CNTN4: variants seen among roughly 807,000 people sequenced by gnomAD.
The protein encoded by CNTN4 is contactin 4, also known as contactin-4.
A neutral mutation model predicts 122.5 loss-of-function variants in CNTN4; 77 were observed. That is an observed-to-expected ratio of 0.63 (90% CI 0.52 to 0.76). The LOEUF is 0.76. Ranked by LOEUF, CNTN4 falls within the 30% of genes least tolerant of loss-of-function variation. The pLI is 0.00. For missense variants in CNTN4, 1,256 were observed against 1,259.1 expected, an observed-to-expected ratio of 1.00 and a Z score of 0.04; for synonymous variants, 512 against 447.0, an observed-to-expected ratio of 1.15 and a Z score of -1.83.
chr3:2,798,312 T>C lies in CNTN4; in HGVS notation c.359-21174T>C, dbSNP rs541810177. ...GTGTGTGTATATATATATATGTTTA[T>C]ATATTTATGTTTATATAGTCTGTAT... is the stretch of plus-strand genomic sequence containing the variant. On this transcript the variant is annotated intron_variant, in intron 6 of 24. Coordinates refer to ENST00000418658, the MANE Select transcript of CNTN4 (RefSeq NM_175607.3). 5.6e-3 allele frequency among the ~76,000 whole-genome samples: 777 copies of C among 138,014 alleles called. 11 individuals carry two copies. Among genetic ancestry groups the C allele is most frequent in the African/African-American group, 0.019 (741 of 38,664 alleles). The allele number at this position is 138,014 out of a possible 152,430, so 90.5% of individuals were successfully genotyped here.
At chr3:2,336,362 G>A (rs2043955197) in intron 2 of CNTN4, among the ~76,000 whole-genome samples, 1 of 151,940 alleles carries the variant, frequency 6.6e-6, no homozygotes, top group Non-Finnish European at 1.5e-5. Flanking sequence ...AAAAGCTATT[G>A]GTCTATGATA....
chr3:2,301,365 A>C (rs895787859), intron 2 of CNTN4, among the ~76,000 whole-genome samples: 1 of 152,194 alleles, frequency 6.6e-6, no homozygotes, highest in Non-Finnish European at 1.5e-5. Context: ...TCTGGTTGAC[A>C]TTTAGGTATT....
At chr3:2,563,716 C>T (rs1049500378) in intron 3 of CNTN4, among the ~76,000 whole-genome samples, 47 of 152,090 alleles carry the variant, frequency 3.1e-4, no homozygotes, top group African/African-American at 1.1e-3. Context: ...CCATTCATGT[C>T]TGTTTTTCAA....
At chr3:2,435,050 G>C (rs1382234068) in intron 3 of CNTN4, among the ~76,000 whole-genome samples, 1 of 152,136 alleles carries the variant, frequency 6.6e-6, no homozygotes, top group Non-Finnish European at 1.5e-5. Context: ...AATATGTGAA[G>C]CAGAGAGTTG....
At chr3:2,485,583 G>C (rs2076133084) in intron 3 of CNTN4, among the ~76,000 whole-genome samples, 1 of 152,136 alleles carries the variant, frequency 6.6e-6, no homozygotes, top group Admixed American at 6.5e-5. Flanking sequence ...TTCAAGGTTT[G>C]TAAATGCACC....
chr3:2,334,188 C>A (rs776531424), intron 2 of CNTN4, among the ~76,000 whole-genome samples: 1 of 152,160 alleles, frequency 6.6e-6, no homozygotes, highest in Non-Finnish European at 1.5e-5. Flanking sequence ...GATGGAGTCT[C>A]GCTCTGTCAC....
chr3:2,745,792 A>ATTT lies in CNTN4; in HGVS notation c.358+97_358+99dup, dbSNP rs537313707. ...ATAGCAGTTTCATTTTAGAGACTAG[A>ATTT]TTTTAATTGGTTACATGATCATCTT... On this transcript the variant is annotated intron_variant, in intron 6 of 24. Coordinates refer to ENST00000418658, the MANE Select transcript of CNTN4 (RefSeq NM_175607.3). 9.5e-4 allele frequency: 1,036 copies of ATTT among 1,091,260 alleles called. 6 individuals are homozygous for ATTT. The African/African-American group carries it at 0.014, about 15-fold the overall frequency. The allele number at this position is 1,091,260 out of a possible 1,614,324, so 67.6% of individuals were successfully genotyped here.
At chr3:2,149,623 T>C (rs2035406113) in intron 2 of CNTN4, among the ~76,000 whole-genome samples, 1 of 152,230 alleles carries the variant, frequency 6.6e-6, no homozygotes, top group Non-Finnish European at 1.5e-5. Context: ...GATACTACTC[T>C]AGGTCATGTC....
In CNTN4 at chr3:2,698,589, T is replaced by C. The variant is rs183729848; in HGVS notation, c.56-37626T>C. Among the ~76,000 whole-genome samples, 39 of 152,348 alleles carry C rather than the reference T, an allele frequency of 2.6e-4. No homozygotes were observed. In the East Asian group the frequency reaches 7.5e-3, roughly 29 times the overall value. ...GTTCTTTGCCAGTCAGATGTCTACA[T>C]ATGTTTCTAAGTCCGTACAGCTAGA... On this transcript the variant is annotated intron_variant, in intron 4 of 24. Transcript: ENST00000418658.
intron 2 of CNTN4, among the ~76,000 whole-genome samples, chr3:2,294,411 A>T (rs1479336807): frequency 6.6e-6 from 1 of 151,634 alleles, no homozygotes; most frequent in East Asian, 2.0e-4. Flanking sequence ...CTGGTGGATC[A>T]CTCGAGCTGT....
intron 14 of CNTN4, among the ~76,000 whole-genome samples, chr3:3,015,624 G>T (rs1476558611): frequency 2.0e-5 from 3 of 152,174 alleles, no homozygotes; most frequent in Non-Finnish European, 4.4e-5. Flanking sequence ...GCTGACAGGA[G>T]CAGGTTAAAC....
At position 2,520,259 on chromosome 3, in the gene CNTN4, C is replaced by CTTTTTTTTTTTTTTTTTTTTTTTTTTTT. The variant is rs397988483; in HGVS notation, c.-88-51153_-88-51126dup. On this transcript the variant is annotated intron_variant, in intron 3 of 24. Coordinates refer to ENST00000418658, the MANE Select transcript of CNTN4 (RefSeq NM_175607.3). ...AAAAAGATAGGTTGGTGATTGCTTC[C>CTTTTTTTTTTTTTTTTTTTTTTTTTTTT]TTTTTTTTTTTTTTTTTTTTTTTTT... Among the ~76,000 whole-genome samples the CTTTTTTTTTTTTTTTTTTTTTTTTTTTT allele has an allele frequency of 6.7e-5, 5 of 74,470 alleles. 1 individual carries two copies. The highest frequency in any genetic ancestry group is 2.9e-4 in the African/African-American group (4 of 13,846). The allele number at this position is 74,470 out of a possible 152,430, so 48.9% of individuals were successfully genotyped here. A position where few individuals can be genotyped will look rare whatever the true frequency, so the allele number is the denominator to read the frequency against.
At position 2,439,513 on chromosome 3, in the gene CNTN4, A is replaced by G. The variant is rs78139531; in HGVS notation, c.-89+100280A>G. Among the ~76,000 whole-genome samples the G allele has an allele frequency of 3.6e-3, 543 of 152,240 alleles. 5 individuals carry two copies. The highest frequency in any genetic ancestry group is 0.013 in the African/African-American group (532 of 41,556). ...GATGATCGAATTTTAACCATCATTG[A>G]AAGAACTATAGAGAGATAGCTATAA... On this transcript the variant is annotated intron_variant, in intron 3 of 24. Transcript: ENST00000418658.
At chr3:2,631,727 CA>C (rs1042266521) in intron 4 of CNTN4, among the ~76,000 whole-genome samples, 3 of 151,204 alleles carry the variant, frequency 2.0e-5, no homozygotes, top group African/African-American at 7.3e-5. Flanking sequence ...AAAGTTTATG[CA>C]GTATTAAAAA....
rs763421080 is a variant in CNTN4, at chr3:2,571,467, T to C, written c.-37T>C. 1.9e-5 allele frequency: 28 copies of C among 1,511,756 alleles called. No individual in the cohort carries two copies. Among genetic ancestry groups the C allele is most frequent in the African/African-American group, 2.7e-5 (2 of 72,906 alleles). 93.6% of individuals were successfully genotyped at this position (1,511,756 alleles called of 1,614,324 possible). A position where few individuals can be genotyped will look rare whatever the true frequency, so the allele number is the denominator to read the frequency against. On this transcript the variant is annotated 5_prime_UTR_variant, in exon 4 of 25. Transcript: ENST00000418658. The stretch of plus-strand genomic sequence containing the variant: ...AAGCAGCAATTCTATTCGCTTGTTA[T>C]TGGACTTGAAACTCCCTTTGACCTC...
chr3:2,269,954 A>T lies in CNTN4; in HGVS notation c.-144-69224A>T, dbSNP rs1249430888. On this transcript the variant is annotated intron_variant, in intron 2 of 24. Coordinates refer to ENST00000418658, the MANE Select transcript of CNTN4 (RefSeq NM_175607.3). Reference sequence around the variant, plus strand: ...TATTTATTTATTTATTTATTTATTTATTTTTTGAGACGGAGTCTCGCTCTG... The same window carrying T: ...TATTTATTTATTTATTTATTTATTTTTTTTTTGAGACGGAGTCTCGCTCTG... Among the ~76,000 whole-genome samples the T allele has an allele frequency of 9.8e-5, 3 of 30,532 alleles. 1 individual carries two copies. The highest frequency in any genetic ancestry group is 4.0e-3 in the South Asian group (2 of 506). 20.0% of individuals were successfully genotyped at this position (30,532 alleles called of 152,430 possible). A position where few individuals can be genotyped will look rare whatever the true frequency, so the allele number is the denominator to read the frequency against.
chr3:2,697,550 A>G (rs2086107843), intron 4 of CNTN4, among the ~76,000 whole-genome samples: 1 of 152,208 alleles, frequency 6.6e-6, no homozygotes, highest in Non-Finnish European at 1.5e-5. Flanking sequence ...TGTCCCCACA[A>G]AGAAGAGCCT....
At chr3:2,194,288 A>T (rs1386642518) in intron 2 of CNTN4, among the ~76,000 whole-genome samples, 1 of 151,874 alleles carries the variant, frequency 6.6e-6, no homozygotes, top group East Asian at 1.9e-4. Context: ...ACACAAAGAG[A>T]TCCCATCTCT....
intron 2 of CNTN4, among the ~76,000 whole-genome samples, chr3:2,313,165 A>G (rs1442259500): frequency 6.6e-6 from 1 of 152,018 alleles, no homozygotes; most frequent in Non-Finnish European, 1.5e-5. Context: ...CAGAAAATAG[A>G]TTAGATAGAT....
Sources: gnomAD v4.1 joint callset for allele counts (sites outside exome capture counted in the v4.1 genomes callset) on GRCh38, gnomAD v4.1.1 for gene constraint, MANE v1.5 for transcripts, NCBI Gene and HGNC (gene_info 2026-07-23, HGNC 2026-07-21) for gene names.